Variants in UBE2R2 observed in about 807,000 individuals in gnomAD.
The protein encoded by UBE2R2 is ubiquitin conjugating enzyme E2 R2.
A neutral mutation model predicts 27.8 loss-of-function variants in UBE2R2; 1 was observed. The ratio of observed to expected loss-of-function variants is 0.04; its 90% CI spans 0.01 to 0.17. The LOEUF is 0.17. Ranked by LOEUF, UBE2R2 falls within the 10% of genes least tolerant of loss-of-function variation. The pLI, the probability that UBE2R2 is intolerant of heterozygous loss-of-function variation, is 1.00. For synonymous variants in UBE2R2, 106 were observed against 113.3 expected (o/e 0.94, Z 0.41); for missense variants, 100 against 291.0 (o/e 0.34, Z 4.78).
chr9:33,917,518 C>T lies in UBE2R2; in HGVS notation c.*281C>T. 5.4e-6 allele frequency: 3 copies of T among 551,970 alleles called. No homozygotes were observed. Among genetic ancestry groups the T allele is most frequent in the Non-Finnish European group, 6.3e-6 (2 of 316,422 alleles). 34.2% of individuals were successfully genotyped at this position (551,970 alleles called of 1,614,324 possible). On this transcript the variant is annotated 3_prime_UTR_variant, in exon 5 of 5. Coordinates refer to ENST00000263228, the MANE Select transcript of UBE2R2 (RefSeq NM_017811.4). ...TAAAAAATATGAACCCAAACTCCCGCCTCACTTCGTCTCTACAGAATGTTC... is the reference window on the plus strand; with the variant it reads ...TAAAAAATATGAACCCAAACTCCCGTCTCACTTCGTCTCTACAGAATGTTC...
intron 1 of UBE2R2, among the ~76,000 whole-genome samples, chr9:33,860,955 TTTG>T (rs1005182229): frequency 1.3e-4 from 19 of 145,676 alleles, no homozygotes; most frequent in African/African-American, 4.8e-4. Context: ...TGTTTGTTTG[TTTG>T]TTTTTTGTTT....
In UBE2R2 at chr9:33,817,470, G is replaced by A; in HGVS notation, c.-288G>A. On this transcript the variant is annotated 5_prime_UTR_variant, in exon 1 of 5. Coordinates refer to ENST00000263228, the MANE Select transcript of UBE2R2 (RefSeq NM_017811.4). ...GTTGAGGCCCCCTCCGGGGGGGGGAGGCCCGGGACCGGGACCCGTAGCGAA... is the reference window on the plus strand; with the variant it reads ...GTTGAGGCCCCCTCCGGGGGGGGGAAGCCCGGGACCGGGACCCGTAGCGAA... 1 of 163,066 alleles carries A rather than the reference G, an allele frequency of 6.1e-6. No individual in the cohort carries two copies. The highest frequency in any genetic ancestry group is 1.3e-5 in the Non-Finnish European group (1 of 76,658). The allele number at this position is 163,066 out of a possible 1,614,324, so 10.1% of individuals were successfully genotyped here. A position where few individuals can be genotyped will look rare whatever the true frequency, so the allele number is the denominator to read the frequency against.
chr9:33,847,747 ATTTTTTTTT>A (rs367991925), intron 1 of UBE2R2, among the ~76,000 whole-genome samples: 53 of 105,026 alleles, frequency 5.0e-4, no homozygotes, highest in African/African-American at 2.1e-3. Context: ...TTGACCTGAA[ATTTTTTTTT>A]TTTTTTTTTT....
chr9:33,863,721 G>A (rs1821298654), intron 1 of UBE2R2, among the ~76,000 whole-genome samples: 1 of 152,018 alleles, frequency 6.6e-6, no homozygotes, highest in African/African-American at 2.4e-5. Flanking sequence ...ATCTCGTTGT[G>A]TCATTCACTC....
chr9:33,897,024 A>ATTTTTTTTT lies in UBE2R2; in HGVS notation c.265-3128_265-3120dup, dbSNP rs749987839. Among the ~76,000 whole-genome samples the ATTTTTTTTT allele has an allele frequency of 7.4e-4, 30 of 40,634 alleles. 8 individuals carry two copies. The highest frequency in any genetic ancestry group is 2.8e-3 in the Admixed American group (6 of 2,150). 26.7% of individuals were successfully genotyped at this position (40,634 alleles called of 152,430 possible). On this transcript the variant is annotated intron_variant, in intron 2 of 4. Transcript: ENST00000263228. Reference sequence around the variant, plus strand: ...CCAAGTAGCATACTTCTGTGGCCTAATTTTTTTTTTTTTTTTTTTTTTTTT... The same window carrying ATTTTTTTTT: ...CCAAGTAGCATACTTCTGTGGCCTAATTTTTTTTTTTTTTTTTTTTTTTTTTTTTTTTTT...
chr9:33,854,322 AT>A (rs536826500), intron 1 of UBE2R2, among the ~76,000 whole-genome samples: 130 of 143,586 alleles, frequency 9.1e-4, no homozygotes, highest in South Asian at 2.4e-3. Flanking sequence ...ATTGTTGAGA[AT>A]TTTTTTTTTT....
intron 1 of UBE2R2, among the ~76,000 whole-genome samples, chr9:33,874,098 C>G (rs1394977576): frequency 6.6e-6 from 1 of 151,960 alleles, no homozygotes; most frequent in Non-Finnish European, 1.5e-5. Context: ...CAGGTGCCCG[C>G]TGCCATGCCC....
At chr9:33,828,485 G>A (rs1358030642) in intron 1 of UBE2R2, among the ~76,000 whole-genome samples, 4 of 151,460 alleles carry the variant, frequency 2.6e-5, no homozygotes. Context: ...CGCCTCCTGG[G>A]TTCAATCAGT....
At chr9:33,874,379 A>C in intron 1 of UBE2R2, among the ~76,000 whole-genome samples, 1 of 152,260 alleles carries the variant, frequency 6.6e-6, no homozygotes. Context: ...AGTTTATAAA[A>C]ATAATAACAT....
intron 1 of UBE2R2, among the ~76,000 whole-genome samples, chr9:33,836,164 G>T (rs925327959): frequency 6.6e-6 from 1 of 152,082 alleles, no homozygotes; most frequent in Non-Finnish European, 1.5e-5. Context: ...AAATTAGCTG[G>T]GCGTGGTGGG....
At chr9:33,886,737 A>G in intron 1 of UBE2R2, 144 bp from the exon 2 acceptor site, 1 of 589,664 alleles carries the variant, frequency 1.7e-6, no homozygotes, top group Non-Finnish European at 2.7e-6. Context: ...ACTGGGGATA[A>G]CAAAGTATGT....
chr9:33,907,987 C>G (rs1822398594), intron 3 of UBE2R2, among the ~76,000 whole-genome samples: 1 of 152,000 alleles, frequency 6.6e-6, no homozygotes, highest in African/African-American at 2.4e-5. Flanking sequence ...TGCCACTACA[C>G]CTGGCTAATT....
intron 1 of UBE2R2, among the ~76,000 whole-genome samples, chr9:33,874,361 C>A (rs1821557624): frequency 1.3e-5 from 2 of 152,014 alleles, no homozygotes; most frequent in South Asian, 4.1e-4. Context: ...GAAAAATCTT[C>A]TTTTTTCAGT....
At chr9:33,881,497 T>G (rs527879141) in intron 1 of UBE2R2, among the ~76,000 whole-genome samples, 5 of 152,290 alleles carry the variant, frequency 3.3e-5, no homozygotes, top group Non-Finnish European at 7.4e-5. Flanking sequence ...ATCATCTTAT[T>G]TCAGAGTCCA....
chr9:33,868,198 TGCTTGTATCCTTGACACTCAGCC>T (rs1821405640), intron 1 of UBE2R2, among the ~76,000 whole-genome samples: 1 of 152,166 alleles, frequency 6.6e-6, no homozygotes. Flanking sequence ...TATGCTCAGC[TGCTTGTATCCTTGACACTCAGCC>T]GCTTGTGTTG....
chr9:33,910,364 G>A (rs897522907), intron 3 of UBE2R2, among the ~76,000 whole-genome samples: 1 of 152,066 alleles, frequency 6.6e-6, no homozygotes, highest in Non-Finnish European at 1.5e-5. Flanking sequence ...GGCCAGGATG[G>A]TCTCAAACTC....
intron 1 of UBE2R2, among the ~76,000 whole-genome samples, chr9:33,884,198 ATCTCTCTCTCTCTCTC>A (rs777923492): frequency 4.9e-4 from 31 of 63,474 alleles, no homozygotes; most frequent in African/African-American, 1.5e-3. Flanking sequence ...CAACTTAAGA[ATCTCTCTCTCTCTCTC>A]TCTCTCTCTC....
chr9:33,826,057 C>A (rs1045986975), intron 1 of UBE2R2, among the ~76,000 whole-genome samples: 2 of 150,964 alleles, frequency 1.3e-5, no homozygotes, highest in African/African-American at 4.9e-5. Context: ...GCAGGAGAAT[C>A]GCTTGAACCC....
At chr9:33,889,425 C>T (rs896261637) in intron 2 of UBE2R2, among the ~76,000 whole-genome samples, 8 of 151,928 alleles carry the variant, frequency 5.3e-5, no homozygotes, top group African/African-American at 1.4e-4. Flanking sequence ...AGGATGGTCT[C>T]GATTGCCTGG....
Sources: allele counts gnomAD v4.1 joint callset (sites outside exome capture counted in the v4.1 genomes callset), GRCh38; gene constraint gnomAD v4.1.1; transcripts MANE v1.5; gene names NCBI Gene and HGNC (gene_info 2026-07-23, HGNC 2026-07-21).